The following ZNF44 variants were observed in gnomAD, a reference collection of about 807,000 sequenced individuals.
The protein encoded by ZNF44 is gonadotropin inducible transcription repressor-2.
In ZNF44, 9 loss-of-function variants were observed where a neutral mutation model predicts 11.7. The ratio of observed to expected loss-of-function variants is 0.77; its 90% CI spans 0.46 to 1.35. The LOEUF (loss-of-function observed/expected upper bound fraction) is 1.35, where lower values mean the gene tolerates loss of function less well. Ranked by LOEUF, ZNF44 falls within the 40% of genes most tolerant of loss-of-function variation. ZNF44 has a pLI of 0.00. For synonymous variants in ZNF44, 224 were observed against 242.7 expected, an observed-to-expected ratio of 0.92 and a Z score of 0.72; for missense variants, 696 against 743.1, an observed-to-expected ratio of 0.94 and a Z score of 0.74.
In ZNF44 at chr19:12,275,629, G is replaced by A. The variant is rs144963516; in HGVS notation, c.130+327C>T. On this transcript the variant is annotated intron_variant, in intron 2 of 3. Coordinates refer to ENST00000355684, the MANE Select transcript of ZNF44 (RefSeq NM_016264.4). ...CCACTGCACTCCAGCCTGGGCGACA[G>A]AGCAAGACTCCATCTCAAAAAAAAA... is the stretch of plus-strand genomic sequence containing the variant. Among the ~76,000 whole-genome samples the A allele has an allele frequency of 2.2e-3, 335 of 152,146 alleles. 7 individuals are homozygous for A. In the South Asian group the frequency reaches 0.036, roughly 16 times the overall value.
chr19:12,256,087 A>T (rs2438575), intron 5 of ZNF44, among the ~76,000 whole-genome samples: 8,148 of 150,382 alleles, frequency 0.054, 780 homozygotes, highest in African/African-American at 0.19. Context: ...TAAAGGAGTC[A>T]GAGGGCATTA....
intron 1 of ZNF44, among the ~76,000 whole-genome samples, chr19:12,289,389 C>T (rs142945667): frequency 2.6e-5 from 4 of 152,142 alleles, no homozygotes; most frequent in African/African-American, 9.6e-5. Flanking sequence ...ATTTTTGACA[C>T]ACCCTCAGCC....
At chr19:12,290,506 C>A (rs1967963676) in intron 1 of ZNF44, among the ~76,000 whole-genome samples, 1 of 151,042 alleles carries the variant, frequency 6.6e-6, no homozygotes, top group Non-Finnish European at 1.5e-5. Flanking sequence ...TTGAGACCAG[C>A]CTGACCAACA....
chr19:12,256,697 C>CTTTTTTT (rs950614463), intron 5 of ZNF44, among the ~76,000 whole-genome samples: 4 of 102,814 alleles, frequency 3.9e-5, no homozygotes, highest in Admixed American at 1.0e-4. Flanking sequence ...AGCAATTACT[C>CTTTTTTT]TTTTTTTTTT....
At chr19:12,282,927 A>G (rs945878937) in intron 1 of ZNF44, among the ~76,000 whole-genome samples, 1 of 152,188 alleles carries the variant, frequency 6.6e-6, no homozygotes, top group African/African-American at 2.4e-5. Context: ...GCTGTCATCT[A>G]TAGGCAATGA....
In ZNF44 at chr19:12,285,490, G is replaced by A. The variant is rs527578663; in HGVS notation, c.3+9202C>T. Among the ~76,000 whole-genome samples, 6 of 152,218 alleles carry A rather than the reference G, an allele frequency of 3.9e-5. No individual in the cohort carries two copies. In the South Asian group the frequency reaches 1.0e-3, roughly 26 times the overall value. On this transcript the variant is annotated intron_variant, in intron 1 of 3. Coordinates refer to ENST00000355684, the MANE Select transcript of ZNF44 (RefSeq NM_016264.4). ...GCTAATCTCAAACTCCTGACCTCAG[G>A]TGATCCACCCACCAAGGCTTCCCAA...
intron 5 of ZNF44, among the ~76,000 whole-genome samples, chr19:12,254,175 TAA>T (rs77933552): frequency 0.011 from 1,526 of 143,158 alleles, 28 homozygotes; most frequent in African/African-American, 0.031. Flanking sequence ...CACAGCAGAT[TAA>T]AAAAAAAAAA....
At chr19:12,247,534 C>T (rs758271554), downstream of ZNF44, 26 of 1,350,240 alleles carry the variant, frequency 1.9e-5, no homozygotes, top group Non-Finnish European at 2.6e-5. Context: ...TAAGGTTTCT[C>T]TCCAGTGTGG....
rs765359779 is a variant in ZNF44 at position 12,273,786 on chromosome 19, G to T, written c.469C>A (p.Gln157Lys). Residue 157 changes from glutamine to lysine, a missense_variant, in exon 4 of 4, where the codon CAA becomes AAA. Physicochemically the swap from Gln to Lys is moderately conservative, Grantham distance 53. Coordinates refer to ENST00000355684, the MANE Select transcript of ZNF44 (RefSeq NM_016264.4). ...CCAGTGTGAGGCCTTTCACATGTTT[G>T]AAAGGAGTGGCGATAACTTAAGCCT... ...GKGLSYRHSF[Q>K]TCERPHTGKK... is the part of the protein sequence containing the mutation. The T allele has an allele frequency of 1.2e-6, 2 of 1,614,158 alleles. No individual in the cohort carries two copies. The highest frequency in any genetic ancestry group is 1.1e-5 in the South Asian group (1 of 91,076).
chr19:12,293,892 C>T (rs7258065), intron 1 of ZNF44, among the ~76,000 whole-genome samples: 5 of 152,112 alleles, frequency 3.3e-5, no homozygotes, highest in African/African-American at 1.2e-4. Flanking sequence ...ACCCTCCCAC[C>T]GTCACCGTGC....
chr19:12,227,697 A>ATT (rs1489917023), intron 3 of ZNF44, among the ~76,000 whole-genome samples: 1 of 152,250 alleles, frequency 6.6e-6, no homozygotes, highest in African/African-American at 2.4e-5. Context: ...TAACATAACA[A>ATT]TTATAATTAT....
At chr19:12,233,617 C>A (rs1056993209) in intron 2 of ZNF44, among the ~76,000 whole-genome samples, 3 of 146,658 alleles carry the variant, frequency 2.0e-5, no homozygotes, top group Admixed American at 1.4e-4. Flanking sequence ...CAAATTTAAT[C>A]GAAAAATACT....
chr19:12,256,971 G>A (rs1917288539), intron 5 of ZNF44, among the ~76,000 whole-genome samples: 1 of 152,118 alleles, frequency 6.6e-6, no homozygotes, highest in African/African-American at 2.4e-5. Flanking sequence ...GCCTCCCACA[G>A]GTGTGGGATT....
chr19:12,267,783 G>C (rs111351446), downstream of ZNF44, among the ~76,000 whole-genome samples: 20 of 151,430 alleles, frequency 1.3e-4, no homozygotes, highest in African/African-American at 4.9e-4. Flanking sequence ...CTTCTTCTAG[G>C]AGACAACCCA....
downstream of ZNF44, among the ~76,000 whole-genome samples, chr19:12,267,393 C>T (rs781595372): frequency 6.6e-6 from 1 of 151,982 alleles, no homozygotes; most frequent in African/African-American, 2.4e-5. Flanking sequence ...CAAGGGAATA[C>T]AGTTATTTAA....
At chr19:12,243,606 T>C (rs1599493210), downstream of ZNF44, among the ~76,000 whole-genome samples, 1 of 152,350 alleles carries the variant, frequency 6.6e-6, no homozygotes, top group Middle Eastern at 3.4e-3. Flanking sequence ...CTATTGTGAA[T>C]AATGCTGTAA....
At chr19:12,242,581 G>C (rs1390701139), upstream of ZNF44, 1 of 146,712 alleles carries the variant, frequency 6.8e-6, no homozygotes. Context: ...CCAGCACTTC[G>C]AGAGGCCAAG....
downstream of ZNF44, among the ~76,000 whole-genome samples, chr19:12,270,636 G>T (rs1017461125): frequency 6.6e-6 from 1 of 152,042 alleles, no homozygotes; most frequent in Non-Finnish European, 1.5e-5. Flanking sequence ...ATTTTTAGTA[G>T]AGATGGGGTT....
At chr19:12,250,925 T>G in intron 5 of ZNF44, 1 of 410,368 alleles carries the variant, frequency 2.4e-6, no homozygotes, top group Middle Eastern at 3.5e-4. Flanking sequence ...TCAATCAAAA[T>G]ATTTCTTTTG....
Sources: gnomAD v4.1 joint callset for allele counts (sites outside exome capture counted in the v4.1 genomes callset) on GRCh38, gnomAD v4.1.1 for gene constraint, MANE v1.5 for transcripts, NCBI Gene and HGNC (gene_info 2026-07-23, HGNC 2026-07-21) for gene names.